The following GALNT10 variants were observed in gnomAD, a reference collection of about 807,000 sequenced individuals.
The protein encoded by GALNT10 is polypeptide N-acetylgalactosaminyltransferase 10.
Under a neutral mutation model 75.0 loss-of-function variants are expected in GALNT10, and 41 were observed. The ratio of observed to expected loss-of-function variants is 0.55; its 90% CI spans 0.43 to 0.71. The LOEUF is 0.71. GALNT10 is among the 30% of genes least tolerant of loss of function. The pLI, the probability that GALNT10 is intolerant of heterozygous loss-of-function variation, is 0.00. For missense variants in GALNT10, 727 were observed against 818.5 expected, an observed-to-expected ratio of 0.89 and a Z score of 1.36; for synonymous variants, 302 against 313.0, an observed-to-expected ratio of 0.96 and a Z score of 0.37.
intron 4 of GALNT10, among the ~76,000 whole-genome samples, chr5:154,342,663 A>T (rs1420306103): frequency 6.6e-6 from 1 of 152,164 alleles, no homozygotes; most frequent in African/African-American, 2.4e-5. Context: ...GCAAAAACGC[A>T]TGGCCCTTCT....
intron 1 of GALNT10, among the ~76,000 whole-genome samples, chr5:154,250,496 G>C (rs939095932): frequency 2.0e-5 from 3 of 152,032 alleles, no homozygotes; most frequent in Admixed American, 2.0e-4. Flanking sequence ...TCATATTCCT[G>C]CCACTTCTCT....
intron 4 of GALNT10, chr5:154,347,212 A>AC: frequency 2.1e-6 from 1 of 476,896 alleles, no homozygotes; most frequent in Non-Finnish European, 4.1e-6. Flanking sequence ...ACCTCACAGG[A>AC]CTCAGTGAGG....
At chr5:154,253,011 T>TCA (rs1753549906) in intron 1 of GALNT10, among the ~76,000 whole-genome samples, 1 of 150,098 alleles carries the variant, frequency 6.7e-6, no homozygotes, top group Admixed American at 6.6e-5. Context: ...GGTTTTTTTT[T>TCA]TTTTTTTTTT....
chr5:154,272,416 C>T (rs1486449327), intron 1 of GALNT10, among the ~76,000 whole-genome samples: 3 of 151,596 alleles, frequency 2.0e-5, no homozygotes, highest in Non-Finnish European at 4.4e-5. Flanking sequence ...GGCTCAGGGT[C>T]CTCTTCAGGA....
chr5:154,246,633 T>C (rs1753429888), intron 1 of GALNT10, among the ~76,000 whole-genome samples: 1 of 152,256 alleles, frequency 6.6e-6, no homozygotes, highest in Non-Finnish European at 1.5e-5. Flanking sequence ...GTTCATATCC[T>C]TCGACCACTT....
At chr5:154,353,673 A>G (rs1272384065) in intron 4 of GALNT10, among the ~76,000 whole-genome samples, 4 of 152,238 alleles carry the variant, frequency 2.6e-5, no homozygotes, top group African/African-American at 9.6e-5. Context: ...ATTCTATGGC[A>G]AAATGAAGTC....
chr5:154,252,255 G>C (rs894436158), intron 1 of GALNT10, among the ~76,000 whole-genome samples: 1 of 152,076 alleles, frequency 6.6e-6, no homozygotes, highest in Non-Finnish European at 1.5e-5. Context: ...TTCTACAGGT[G>C]AGTATATAGG....
intron 4 of GALNT10, among the ~76,000 whole-genome samples, chr5:154,332,051 C>T (rs189603501): frequency 4.6e-5 from 7 of 152,154 alleles, no homozygotes; most frequent in Non-Finnish European, 1.0e-4. Context: ...CCTCTTCTGC[C>T]TCTTGCTCCC....
chr5:154,238,345 A>G (rs1753280122), intron 1 of GALNT10, among the ~76,000 whole-genome samples: 1 of 151,194 alleles, frequency 6.6e-6, no homozygotes, highest in African/African-American at 2.4e-5. Flanking sequence ...TTATCCTGAG[A>G]CTCCTGGATA....
At chr5:154,210,181 T>A (rs1581919607) in intron 1 of GALNT10, among the ~76,000 whole-genome samples, 1 of 152,020 alleles carries the variant, frequency 6.6e-6, no homozygotes, top group Non-Finnish European at 1.5e-5. Flanking sequence ...AAGACTAAAC[T>A]CCACCCCTGG....
chr5:154,363,997 C>T (rs1755436587), intron 4 of GALNT10, among the ~76,000 whole-genome samples: 1 of 152,194 alleles, frequency 6.6e-6, no homozygotes, highest in Non-Finnish European at 1.5e-5. Flanking sequence ...AAATCAATCA[C>T]TCTGAGTCCT....
In GALNT10 at chr5:154,416,828, C is replaced by T; in HGVS notation, c.1668C>T (p.Tyr556=). ...ATGTTTTGTAGGACAAGACCCTGTA[C>T]CACCCTGTCAGTGGCAGCTGCATGG... ...LWKYRKDKTL[Y]HPVSGSCMDC... is the part of the protein sequence containing the mutation. The change falls in exon 12 of 12, where the codon TAC becomes TAT. Residue 556 remains tyrosine, a synonymous_variant. Transcript: ENST00000297107. The surrounding 1 kb of genome is among the most constrained non-coding windows in gnomAD (Gnocchi z 4.5). 1 of 1,613,142 alleles carries T rather than the reference C, an allele frequency of 6.2e-7. No individual in the cohort carries two copies. Among genetic ancestry groups the T allele is most frequent in the Non-Finnish European group, 8.5e-7 (1 of 1,179,052 alleles).
At chr5:154,334,545 C>T (rs1754913368) in intron 4 of GALNT10, among the ~76,000 whole-genome samples, 1 of 152,166 alleles carries the variant, frequency 6.6e-6, no homozygotes, top group South Asian at 2.1e-4. Context: ...ATTCCTTTCT[C>T]CTTAGCCTCT....
At chr5:154,261,517 G>A (rs1310589484) in intron 1 of GALNT10, among the ~76,000 whole-genome samples, 3 of 152,198 alleles carry the variant, frequency 2.0e-5, no homozygotes, top group Admixed American at 6.5e-5. Context: ...CACCAAACAA[G>A]GGAAAATGTG....
chr5:154,305,805 G>T (rs1010884772), intron 3 of GALNT10, among the ~76,000 whole-genome samples: 1 of 152,118 alleles, frequency 6.6e-6, no homozygotes, highest in Admixed American at 6.5e-5. Flanking sequence ...ATCACCTGAG[G>T]TCAGGAGTTC....
chr5:154,194,794 A>G (rs758960833), intron 1 of GALNT10, among the ~76,000 whole-genome samples: 22 of 152,194 alleles, frequency 1.4e-4, no homozygotes, highest in Non-Finnish European at 2.6e-4. Flanking sequence ...TTGGGCTCAG[A>G]CTGTTTCTCA....
chr5:154,313,306 GAA>G (rs148149095), intron 3 of GALNT10, among the ~76,000 whole-genome samples: 2 of 133,296 alleles, frequency 1.5e-5, no homozygotes, highest in Non-Finnish European at 1.6e-5. Context: ...CGAGACTCTT[GAA>G]AAAAAAAAAA....
At chr5:154,335,558 T>C (rs889358235) in intron 4 of GALNT10, among the ~76,000 whole-genome samples, 2 of 152,166 alleles carry the variant, frequency 1.3e-5, no homozygotes, top group East Asian at 3.8e-4. Context: ...ATGTGGGAAA[T>C]GCAGGAAGAG....
intron 4 of GALNT10, chr5:154,347,343 T>C: frequency 4.8e-6 from 2 of 413,334 alleles, no homozygotes; most frequent in Non-Finnish European, 9.1e-6. Flanking sequence ...TTACCTCCTA[T>C]GTGGTGATAG....
Sources: gnomAD v4.1 joint callset for allele counts (sites outside exome capture counted in the v4.1 genomes callset) on GRCh38, gnomAD v4.1.1 for gene constraint, Gnocchi (gnomAD v3.1) non-coding constraint, MANE v1.5 for transcripts, NCBI Gene and HGNC (gene_info 2026-07-23, HGNC 2026-07-21) for gene names.